The following FMNL2 variants were observed in gnomAD, a reference collection of about 807,000 sequenced individuals.
The protein encoded by FMNL2 is formin like 2, also known as formin-like protein 2.
In FMNL2, 51 loss-of-function variants were observed where a neutral mutation model predicts 130.2. The observed-to-expected ratio is 0.39, with a 90% CI of 0.31 to 0.49. The LOEUF (loss-of-function observed/expected upper bound fraction) is 0.49. Ranked by LOEUF, FMNL2 falls within the 20% of genes least tolerant of loss-of-function variation. The pLI is 0.85. For synonymous variants in FMNL2, 465 were observed against 467.1 expected, an observed-to-expected ratio of 1.00 and a Z score of 0.06; for missense variants, 977 against 1,316.2, an observed-to-expected ratio of 0.74 and a Z score of 3.99.
chr2:152,410,717 A>G (rs184246184), intron 1 of FMNL2, among the ~76,000 whole-genome samples: 7 of 152,336 alleles, frequency 4.6e-5, no homozygotes, highest in Admixed American at 1.3e-4. Context: ...CTCATGGTGA[A>G]TGCTTGAACC....
chr2:152,369,001 CT>C (rs1210186411), intron 1 of FMNL2, among the ~76,000 whole-genome samples: 1 of 152,120 alleles, frequency 6.6e-6, no homozygotes, highest in Non-Finnish European at 1.5e-5. Context: ...GTCTGGACAT[CT>C]TTTAATTCAG....
intron 23 of FMNL2, 24 bp from the exon 24 acceptor site, chr2:152,639,934 T>C: frequency 2.0e-6 from 3 of 1,532,250 alleles, no homozygotes; most frequent in Non-Finnish European, 2.6e-6. Flanking sequence ...AACATCATCT[T>C]TCTGGTTCTT....
chr2:152,561,431 C>G (rs926586333), intron 6 of FMNL2, among the ~76,000 whole-genome samples: 4 of 152,096 alleles, frequency 2.6e-5, no homozygotes, highest in African/African-American at 9.7e-5. Flanking sequence ...TCCTTCCGCT[C>G]TCTTTCATTT....
At chr2:152,572,326 C>T (rs1030116442) in intron 6 of FMNL2, among the ~76,000 whole-genome samples, 3 of 152,118 alleles carry the variant, frequency 2.0e-5, no homozygotes, top group Middle Eastern at 3.2e-3. Context: ...GTAAAGCCAA[C>T]TTTGGGGCTT....
At chr2:152,598,725 G>A (rs1300088849) in intron 9 of FMNL2, among the ~76,000 whole-genome samples, 1 of 152,180 alleles carries the variant, frequency 6.6e-6, no homozygotes, top group African/African-American at 2.4e-5. Context: ...CTTTATTGAA[G>A]AAATGGAAGG....
At chr2:152,340,103 T>A (rs1329882068) in intron 1 of FMNL2, among the ~76,000 whole-genome samples, 1 of 152,172 alleles carries the variant, frequency 6.6e-6, no homozygotes, top group Non-Finnish European at 1.5e-5. Flanking sequence ...GGAGGATCAT[T>A]TGAGTCCTGG....
At chr2:152,489,418 G>C (rs528911435) in intron 1 of FMNL2, among the ~76,000 whole-genome samples, 1 of 152,304 alleles carries the variant, frequency 6.6e-6, no homozygotes, top group East Asian at 1.9e-4. Context: ...GCCAGATGTA[G>C]AAATGCCTCA....
Position 152,556,892 on chromosome 2 carries a change from C to T in FMNL2, c.360-1848C>T, listed in dbSNP as rs186494039. On this transcript the variant is annotated intron_variant, in intron 4 of 25. Transcript: ENST00000288670. ...GAAAAATCTGCCCCCCTCCCCCCGC[C>T]GTGATTATTTTTCATATTAAAAAGA... Among the ~76,000 whole-genome samples the T allele has an allele frequency of 1.0e-3, 154 of 151,908 alleles. 2 individuals are homozygous for T. Among genetic ancestry groups the T allele is most frequent in the Admixed American group, 9.2e-3 (141 of 15,254 alleles).
At chr2:152,565,802 TG>T (rs1320549375) in intron 6 of FMNL2, among the ~76,000 whole-genome samples, 2 of 152,160 alleles carry the variant, frequency 1.3e-5, no homozygotes, top group Non-Finnish European at 2.9e-5. Context: ...TTTTTTGAGA[TG>T]GGGTCTTGTT....
In FMNL2 at chr2:152,526,773, T is replaced by A. The variant is rs193015432; in HGVS notation, c.201+4747T>A. 3.3e-5 allele frequency among the ~76,000 whole-genome samples: 5 copies of A among 152,374 alleles called. No individual in the cohort carries two copies. In the East Asian group the frequency reaches 9.6e-4, roughly 29 times the overall value. On this transcript the variant is annotated intron_variant, in intron 2 of 25. Transcript: ENST00000288670. ...TTCCCCCTCTATACATTCATTCTTT[T>A]GATTGTGCATTAGTCAGATTTTTTG... is the stretch of plus-strand genomic sequence containing the variant.
At chr2:152,627,436 T>C (rs1681867067) in intron 17 of FMNL2, among the ~76,000 whole-genome samples, 1 of 152,236 alleles carries the variant, frequency 6.6e-6, no homozygotes, top group African/African-American at 2.4e-5. Context: ...TATTTATAAA[T>C]TGATTATCTT....
intron 6 of FMNL2, among the ~76,000 whole-genome samples, chr2:152,563,220 C>CATT (rs1001888464): frequency 5.5e-4 from 84 of 152,166 alleles, no homozygotes; most frequent in African/African-American, 2.0e-3. Flanking sequence ...AAAACATAGG[C>CATT]ATTATATATA....
chr2:152,398,443 G>T (rs1317078072), intron 1 of FMNL2, among the ~76,000 whole-genome samples: 2 of 152,194 alleles, frequency 1.3e-5, no homozygotes, highest in South Asian at 2.1e-4. Flanking sequence ...TACTTGGTAG[G>T]TCCTCAAGAA....
intron 6 of FMNL2, among the ~76,000 whole-genome samples, chr2:152,570,567 C>A (rs1010509467): frequency 3.9e-5 from 6 of 152,216 alleles, no homozygotes; most frequent in African/African-American, 1.4e-4. Flanking sequence ...GAAAGGCTAT[C>A]AGCATGGCAT....
intron 6 of FMNL2, among the ~76,000 whole-genome samples, chr2:152,573,224 T>G (rs1696278332): frequency 6.6e-6 from 1 of 152,216 alleles, no homozygotes; most frequent in African/African-American, 2.4e-5. Flanking sequence ...CTGCTGTTTT[T>G]GACAAACTAA....
intron 10 of FMNL2, among the ~76,000 whole-genome samples, chr2:152,611,209 C>T (rs970992146): frequency 9.9e-5 from 15 of 152,084 alleles, no homozygotes; most frequent in Admixed American, 3.3e-4. Context: ...CGTGGTGGCA[C>T]CTGCCTGTAA....
At chr2:152,394,811 C>G (rs1207242412) in intron 1 of FMNL2, among the ~76,000 whole-genome samples, 1 of 150,908 alleles carries the variant, frequency 6.6e-6, no homozygotes, top group Non-Finnish European at 1.5e-5. Context: ...TAAGATTGGA[C>G]AAGAACGATC....
At chr2:152,382,140 T>C (rs1684507430) in intron 1 of FMNL2, among the ~76,000 whole-genome samples, 2 of 152,308 alleles carry the variant, frequency 1.3e-5, no homozygotes, top group African/African-American at 4.8e-5. Flanking sequence ...TGTTTCACTT[T>C]TTGAAGCACT....
intron 2 of FMNL2, among the ~76,000 whole-genome samples, chr2:152,533,335 C>G (rs957128722): frequency 6.6e-6 from 1 of 152,132 alleles, no homozygotes; most frequent in African/African-American, 2.4e-5. Flanking sequence ...ATTTATCTAA[C>G]TTTACCTCCA....
Sources: gnomAD v4.1 joint callset for allele counts (sites outside exome capture counted in the v4.1 genomes callset) on GRCh38, gnomAD v4.1.1 for gene constraint, MANE v1.5 for transcripts, NCBI Gene and HGNC (gene_info 2026-07-23, HGNC 2026-07-21) for gene names.